CNOT6L: variants seen among roughly 807,000 people sequenced by gnomAD.
CNOT6L encodes the protein CCR4-NOT transcription complex subunit 6 like.
A neutral mutation model predicts 64.0 loss-of-function variants in CNOT6L; 7 were observed. That is an observed-to-expected ratio of 0.11 (90% CI 0.06 to 0.21). The LOEUF is 0.21. Among genes scored for constraint, CNOT6L ranks in the 10% least tolerant of loss-of-function variants. CNOT6L has a pLI of 1.00. For missense variants in CNOT6L, 245 were observed against 669.0 expected (o/e 0.37, Z 6.99); for synonymous variants, 193 against 243.4 (o/e 0.79, Z 1.93).
Position 77,778,227 on chromosome 4 carries a change from A to G in CNOT6L, c.6-1835T>C, listed in dbSNP as rs72864984. On this transcript the variant is annotated intron_variant, in intron 1 of 11. Transcript: ENST00000504123. ...TTCTGCTGGACACCATAAGGCACAC[A>G]TGTCTCTTTGGGTACTTTTGGGTAA... 1.8e-3 allele frequency among the ~76,000 whole-genome samples: 270 copies of G among 152,304 alleles called. 2 individuals are homozygous for G. Among genetic ancestry groups the G allele is most frequent in the African/African-American group, 5.4e-3 (224 of 41,568 alleles).
intron 1 of CNOT6L, among the ~76,000 whole-genome samples, chr4:77,809,308 T>C (rs910151350): frequency 8.5e-5 from 13 of 152,248 alleles, no homozygotes; most frequent in Non-Finnish European, 1.8e-4. Context: ...TCCTTGGTAC[T>C]CAGTAGTCAA....
intron 8 of CNOT6L, among the ~76,000 whole-genome samples, chr4:77,738,537 T>C (rs1723220747): frequency 6.6e-6 from 1 of 152,158 alleles, no homozygotes; most frequent in Non-Finnish European, 1.5e-5. Context: ...GCAGATCACC[T>C]GAGGTCGGGA....
At position 77,716,465 on chromosome 4, in the gene CNOT6L, G is replaced by A. The variant is rs908238925; in HGVS notation, c.*3966C>T. ...CCTATTCTTCCCTGTGCTTTCTATA[G>A]TCTGCTGTTTCATACTAAAAGTATA... is the stretch of plus-strand genomic sequence containing the variant. On this transcript the variant is annotated 3_prime_UTR_variant, in exon 12 of 12. Transcript: ENST00000504123. The A allele has an allele frequency of 6.6e-6, 1 of 152,014 alleles. No individual in the cohort carries two copies. Among genetic ancestry groups the A allele is most frequent in the African/African-American group, 2.4e-5 (1 of 41,402 alleles). 9.4% of individuals were successfully genotyped at this position (152,014 alleles called of 1,614,324 possible). A position where few individuals can be genotyped will look rare whatever the true frequency, so the allele number is the denominator to read the frequency against.
At chr4:77,754,314 T>C (rs1256441160) in intron 5 of CNOT6L, among the ~76,000 whole-genome samples, 1 of 152,320 alleles carries the variant, frequency 6.6e-6, no homozygotes, top group East Asian at 1.9e-4. Flanking sequence ...TAGATAAATC[T>C]TTAAAATGAC....
At chr4:77,806,038 T>C (rs1732178244) in intron 1 of CNOT6L, among the ~76,000 whole-genome samples, 1 of 152,232 alleles carries the variant, frequency 6.6e-6, no homozygotes, top group Admixed American at 6.5e-5. Flanking sequence ...CATTGACTTA[T>C]CACTTTATAT....
intron 4 of CNOT6L, among the ~76,000 whole-genome samples, chr4:77,759,861 T>C (rs1164248930): frequency 6.6e-6 from 1 of 152,154 alleles, no homozygotes; most frequent in Non-Finnish European, 1.5e-5. Flanking sequence ...TCGTTCCAAG[T>C]GCACATGAAC....
chr4:77,802,836 C>G (rs1731748181), intron 1 of CNOT6L, among the ~76,000 whole-genome samples: 1 of 152,120 alleles, frequency 6.6e-6, no homozygotes, highest in Non-Finnish European at 1.5e-5. Context: ...ATAGTTAAGA[C>G]CAACTACAAA....
intron 10 of CNOT6L, among the ~76,000 whole-genome samples, chr4:77,727,078 A>G (rs866949930): frequency 3.9e-5 from 6 of 152,312 alleles, no homozygotes; most frequent in Middle Eastern, 3.4e-3. Flanking sequence ...TCATCTTTCT[A>G]TTTGTAATAA....
chr4:77,754,201 A>G (rs1725196112), intron 5 of CNOT6L, among the ~76,000 whole-genome samples: 1 of 152,192 alleles, frequency 6.6e-6, no homozygotes, highest in African/African-American at 2.4e-5. Flanking sequence ...AAAGTGGTTG[A>G]ATATGTTCTT....
intron 4 of CNOT6L, among the ~76,000 whole-genome samples, chr4:77,762,834 A>G (rs1279704854): frequency 1.3e-5 from 2 of 152,128 alleles, no homozygotes; most frequent in East Asian, 3.8e-4. Context: ...AATTTTGGAG[A>G]GTGATGGAAC....
rs925764036 is a variant in CNOT6L, at chr4:77,717,425, A to G, written c.*3006T>C. On this transcript the variant is annotated 3_prime_UTR_variant, in exon 12 of 12. Transcript: ENST00000504123. ...TTAAGAACATTCCGGTTCTTAGACAAATATCGAAATAATATTTAACAGTTT... is the reference window on the plus strand; with the variant it reads ...TTAAGAACATTCCGGTTCTTAGACAGATATCGAAATAATATTTAACAGTTT... The G allele has an allele frequency of 1.3e-5, 2 of 152,506 alleles. No homozygotes were observed. Among genetic ancestry groups the G allele is most frequent in the African/African-American group, 4.8e-5 (2 of 41,424 alleles). 9.4% of individuals were successfully genotyped at this position (152,506 alleles called of 1,614,324 possible).
chr4:77,781,165 C>T (rs1305970759), intron 1 of CNOT6L, among the ~76,000 whole-genome samples: 2 of 152,074 alleles, frequency 1.3e-5, no homozygotes, highest in African/African-American at 4.8e-5. Context: ...GAATATCACA[C>T]ACCAGGGCCT....
chr4:77,767,057 C>A (rs1295599575), intron 4 of CNOT6L, among the ~76,000 whole-genome samples: 7 of 105,716 alleles, frequency 6.6e-5, no homozygotes, highest in Admixed American at 3.7e-4. Flanking sequence ...AGCGAAACTC[C>A]GTCTCAAAAA....
chr4:77,794,183 A>G (rs886569973), intron 1 of CNOT6L, among the ~76,000 whole-genome samples: 4 of 122,250 alleles, frequency 3.3e-5, no homozygotes, highest in East Asian at 2.6e-4. Flanking sequence ...AAAAGATTTT[A>G]GAAATAGAAG....
chr4:77,816,360 C>G (rs1733576451), intron 1 of CNOT6L, among the ~76,000 whole-genome samples: 1 of 152,052 alleles, frequency 6.6e-6, no homozygotes, highest in Non-Finnish European at 1.5e-5. Flanking sequence ...ATTTCTATTT[C>G]TTTGTTTCTA....
At chr4:77,745,015 G>T in intron 6 of CNOT6L, 140 bp from the exon 7 acceptor site, 1 of 551,684 alleles carries the variant, frequency 1.8e-6, no homozygotes, top group Non-Finnish European at 2.9e-6. Context: ...GCAAGATAAA[G>T]ATTGCTAATC....
rs1728815272 is a variant in CNOT6L, at chr4:77,781,173, C to T, written c.6-4781G>A. 2.0e-5 allele frequency among the ~76,000 whole-genome samples: 3 copies of T among 151,878 alleles called. No individual in the cohort carries two copies. The South Asian group carries it at 6.2e-4, about 32-fold the overall frequency. ...GGGAGGGGAATATCACACACCAGGG[C>T]CTGTCAGGGGGTAGGGGGCAAGGGG... On this transcript the variant is annotated intron_variant, in intron 1 of 11. Coordinates refer to ENST00000504123, the MANE Select transcript of CNOT6L (RefSeq NM_144571.3).
intron 1 of CNOT6L, among the ~76,000 whole-genome samples, chr4:77,792,927 C>T (rs1326485128): frequency 6.6e-6 from 1 of 150,460 alleles, no homozygotes; most frequent in East Asian, 1.9e-4. Flanking sequence ...TTTTGGTTAA[C>T]ACAACTTGGG....
chr4:77,779,961 C>CTCAA (rs1037764783), intron 1 of CNOT6L, among the ~76,000 whole-genome samples: 1 of 152,118 alleles, frequency 6.6e-6, no homozygotes, highest in East Asian at 1.9e-4. Flanking sequence ...GAGACCCTGT[C>CTCAA]TCAATCAATC....
Sources: allele counts gnomAD v4.1 joint callset (sites outside exome capture counted in the v4.1 genomes callset), GRCh38; gene constraint gnomAD v4.1.1; transcripts MANE v1.5; gene names NCBI Gene and HGNC (gene_info 2026-07-23, HGNC 2026-07-21).